ABLIM2: variants seen among roughly 807,000 people sequenced by gnomAD.
ABLIM2 encodes the protein actin binding LIM protein family member 2.
In ABLIM2, 53 loss-of-function variants were observed where a neutral mutation model predicts 97.7. That is an observed-to-expected ratio of 0.54 (90% CI 0.44 to 0.68). The LOEUF is 0.68. ABLIM2 is among the 30% of genes least tolerant of loss of function. The pLI is 0.00. For missense variants in ABLIM2, 835 were observed against 867.2 expected (o/e 0.96, Z 0.47); for synonymous variants, 361 against 345.8 (o/e 1.04, Z -0.49).
intron 1 of ABLIM2, among the ~76,000 whole-genome samples, chr4:8,119,929 G>A (rs1295905907): frequency 6.6e-6 from 1 of 152,130 alleles, no homozygotes; most frequent in Non-Finnish European, 1.5e-5. Context: ...TGGGGTGCGT[G>A]CTCAAGTCCT....
In ABLIM2 at chr4:7,991,497, C is replaced by T. The variant is rs10002907; in HGVS notation, c.1680+1369G>A. 7.5e-3 allele frequency among the ~76,000 whole-genome samples: 1,142 copies of T among 151,318 alleles called. 12 individuals carry two copies. The highest frequency in any genetic ancestry group is 0.026 in the African/African-American group (1,063 of 40,988). ...ATTCTAGACAGTTTTCCCACTGTCC[C>T]CAGGACCCCTAACATTGAGCTCAGG... On this transcript the variant is annotated intron_variant, in intron 17 of 20. Coordinates refer to ENST00000447017, the MANE Select transcript of ABLIM2 (RefSeq NM_001130083.2).
chr4:8,049,122 C>T (rs1026852343), intron 8 of ABLIM2, among the ~76,000 whole-genome samples: 6 of 152,326 alleles, frequency 3.9e-5, no homozygotes, highest in East Asian at 1.9e-4. Context: ...TCCTGCACAT[C>T]GGAGGCTGCC....
In ABLIM2 at chr4:7,983,533, G is replaced by T; in HGVS notation, c.1743+14C>A. 2 of 1,613,098 alleles carry T rather than the reference G, an allele frequency of 1.2e-6. No homozygotes were observed. The highest frequency in any genetic ancestry group is 3.3e-5 in the Admixed American group (2 of 59,890). On this transcript the variant is annotated intron_variant, in intron 19 of 20. Coordinates refer to ENST00000447017, the MANE Select transcript of ABLIM2 (RefSeq NM_001130083.2). The stretch of plus-strand genomic sequence containing the variant: ...GCGCGGCACGGAGGTCAGTGTGGGA[G>T]CGGCCCCGCTTACCTTGTATTCTGT...
At chr4:8,109,714 G>A (rs1311909453) in intron 1 of ABLIM2, among the ~76,000 whole-genome samples, 1 of 152,200 alleles carries the variant, frequency 6.6e-6, no homozygotes, top group Non-Finnish European at 1.5e-5. Flanking sequence ...AGCTGTCTGG[G>A]GATGAGGGAG....
At chr4:8,126,032 C>T (rs1229511029) in intron 1 of ABLIM2, among the ~76,000 whole-genome samples, 2 of 152,154 alleles carry the variant, frequency 1.3e-5, no homozygotes, top group African/African-American at 4.8e-5. Context: ...TCCTCCAAGC[C>T]CCACGGTGAG....
At chr4:8,091,330 T>TATTA (rs375937738) in intron 3 of ABLIM2, among the ~76,000 whole-genome samples, 19,979 of 46,544 alleles carry the variant, frequency 0.43, 5,207 homozygotes, top group Non-Finnish European at 0.51. Flanking sequence ...TATATATATA[T>TATTA]TATATATATA....
intron 12 of ABLIM2, 34 bp downstream of exon 12, chr4:8,027,725 G>A: frequency 6.7e-7 from 1 of 1,489,610 alleles, no homozygotes; most frequent in Non-Finnish European, 9.0e-7. Context: ...GGACACCCAT[G>A]AGCACCCACA....
chr4:8,093,722 T>C (rs1263391287), intron 3 of ABLIM2, among the ~76,000 whole-genome samples: 4 of 152,250 alleles, frequency 2.6e-5, no homozygotes, highest in Admixed American at 2.0e-4. Flanking sequence ...ATGAGAAGTC[T>C]GGAGTCATAC....
At chr4:8,144,408 G>A (rs1045161534) in intron 1 of ABLIM2, among the ~76,000 whole-genome samples, 3 of 152,226 alleles carry the variant, frequency 2.0e-5, no homozygotes, top group Admixed American at 6.5e-5. Context: ...GCCGCTGGGG[G>A]ACTTGTTCTA....
chr4:8,113,541 C>T lies in ABLIM2; in HGVS notation c.11-6904G>A, dbSNP rs1032514978. Among the ~76,000 whole-genome samples the T allele has an allele frequency of 3.9e-5, 6 of 152,228 alleles. No individual in the cohort carries two copies. The highest frequency in any genetic ancestry group is 1.4e-4 in the African/African-American group (6 of 41,464). ...CCAGCAGCTGTGCTCGCCTTGTTCT[C>T]TTGCTTTCCTCATTTGCTCTGGAGG... is the stretch of plus-strand genomic sequence containing the variant. On this transcript the variant is annotated intron_variant, in intron 1 of 20. Transcript: ENST00000447017. The surrounding 1 kb of genome is among the most constrained non-coding windows in gnomAD (Gnocchi z 4.5).
At chr4:7,977,081 G>A (rs902221592) in intron 20 of ABLIM2, among the ~76,000 whole-genome samples, 1 of 152,030 alleles carries the variant, frequency 6.6e-6, no homozygotes, top group Admixed American at 6.5e-5. Flanking sequence ...AGGTGATTGG[G>A]TCCTGGGGGT....
chr4:7,984,844 A>G lies in ABLIM2; in HGVS notation c.1730T>C (p.Met577Thr), dbSNP rs745317324. ...CGADPDASWG[M>T]REYKIYPYDS... Reference sequence around the variant, plus strand: ...AGGGTCCCCGCTCTGTGTACCTCGCATGCCCCAGCTGGCATCCGGGTCTGC... The same window carrying G: ...AGGGTCCCCGCTCTGTGTACCTCGCGTGCCCCAGCTGGCATCCGGGTCTGC... Residue 577 changes from methionine to threonine, a missense_variant, in exon 18 of 21, where the codon ATG becomes ACG. Coordinates refer to ENST00000447017, the MANE Select transcript of ABLIM2 (RefSeq NM_001130083.2). The G allele has an allele frequency of 2.8e-5, 45 of 1,603,188 alleles. No individual in the cohort carries two copies. The highest frequency in any genetic ancestry group is 3.7e-5 in the Non-Finnish European group (44 of 1,175,512).
intron 15 of ABLIM2, 44 bp from the exon 16 acceptor site, chr4:8,008,244 C>T: frequency 6.3e-7 from 1 of 1,587,784 alleles, no homozygotes; most frequent in Non-Finnish European, 8.6e-7. Flanking sequence ...AGGTCATCTG[C>T]AATGGTGGGA....
At position 8,083,630 on chromosome 4, in the gene ABLIM2, T is replaced by A. The variant is rs550243241; in HGVS notation, c.455-2828A>T. ...AAGGAGCGTTGCCATGGAAACCACA[T>A]CCTCACTTTCTAAACACATCCGGAG... On this transcript the variant is annotated intron_variant, in intron 4 of 20. Coordinates refer to ENST00000447017, the MANE Select transcript of ABLIM2 (RefSeq NM_001130083.2). The surrounding 1 kb of genome is among the most constrained non-coding windows in gnomAD (Gnocchi z 4.6). 2.0e-5 allele frequency among the ~76,000 whole-genome samples: 3 copies of A among 152,286 alleles called. No homozygotes were observed. The highest frequency in any genetic ancestry group is 7.2e-5 in the African/African-American group (3 of 41,552).
intron 1 of ABLIM2, among the ~76,000 whole-genome samples, chr4:8,146,479 C>T (rs772376999): frequency 1.8e-4 from 27 of 152,212 alleles, no homozygotes; most frequent in Admixed American, 4.6e-4. Context: ...CTTATGTTAG[C>T]GTGCAGAGCA....
At position 8,087,782 on chromosome 4, in the gene ABLIM2, A is replaced by G. The variant is rs1824698296; in HGVS notation, c.454+387T>C. 6.6e-6 allele frequency among the ~76,000 whole-genome samples: 1 copy of G among 152,024 alleles called. No homozygotes were observed. Among genetic ancestry groups the G allele is most frequent in the Non-Finnish European group, 1.5e-5 (1 of 67,956 alleles). ...ATGGGAAAGCAGCAGTGGGCATTAG[A>G]TGGGAAAGCAGGAGTGGCACATGGG... On this transcript the variant is annotated intron_variant, in intron 4 of 20. Coordinates refer to ENST00000447017, the MANE Select transcript of ABLIM2 (RefSeq NM_001130083.2). The surrounding 1 kb of genome is among the most constrained non-coding windows in gnomAD (Gnocchi z 4.6).
intron 12 of ABLIM2, among the ~76,000 whole-genome samples, chr4:8,025,299 A>G (rs1186603652): frequency 1.3e-5 from 2 of 152,188 alleles, no homozygotes; most frequent in Non-Finnish European, 2.9e-5. Context: ...ATGGGCATCA[A>G]AGAGGCAAAA....
intron 16 of ABLIM2, among the ~76,000 whole-genome samples, chr4:7,995,301 G>A (rs56163224): frequency 0.063 from 9,623 of 152,298 alleles, 365 homozygotes; most frequent in Non-Finnish European, 0.086. Flanking sequence ...CCCTGGTGGC[G>A]GAGATCGGCC....
chr4:8,036,211 C>T lies in ABLIM2; in HGVS notation c.985G>A (p.Asp329Asn), dbSNP rs1315520248. ...ATGTAGGGTGAGTAGGAGATCATGT[C>T]GGGGCGGTCGATGTCATAGATGGCC... Reference protein sequence around the residue: ...SKAIYDIDRPDMISYSPYISH... With the variant: ...SKAIYDIDRPNMISYSPYISH... Residue 329 changes from aspartate to asparagine, a missense_variant, in exon 10 of 21, where the codon GAC (aspartate) becomes AAC (asparagine). Transcript: ENST00000447017. 1.9e-6 allele frequency: 3 copies of T among 1,613,720 alleles called. No homozygotes were observed. The highest frequency in any genetic ancestry group is 2.5e-6 in the Non-Finnish European group (3 of 1,179,826).
Sources: allele counts gnomAD v4.1 joint callset (sites outside exome capture counted in the v4.1 genomes callset), GRCh38; gene constraint gnomAD v4.1.1; non-coding constraint Gnocchi (gnomAD v3.1); transcripts MANE v1.5; gene names NCBI Gene and HGNC (gene_info 2026-07-23, HGNC 2026-07-21).